The following ESRRG variants were observed in gnomAD, a reference collection of about 807,000 sequenced individuals.
ESRRG encodes estrogen-related receptor gamma.
In ESRRG, 13 loss-of-function variants were observed where a neutral mutation model predicts 44.0. The observed-to-expected ratio is 0.30, with a 90% CI of 0.19 to 0.47. The LOEUF (loss-of-function observed/expected upper bound fraction) is 0.47, where lower values mean the gene tolerates loss of function less well. ESRRG is among the 20% of genes least tolerant of loss of function. ESRRG has a pLI of 1.00. For missense variants in ESRRG, 395 were observed against 580.6 expected (o/e 0.68, Z 3.29); for synonymous variants, 215 against 214.6 (o/e 1.00, Z -0.02).
Position 216,896,097 on chromosome 1 carries a change from T to G in ESRRG, c.-14+43485A>C, listed in dbSNP as rs971241826. On this transcript the variant is annotated intron_variant, in intron 2 of 7. Coordinates refer to the ESRRG transcript ENST00000359162. ...ACATTACATCACGACAAATGACATA[T>G]ACACAAATTCTCTCCCAAATAAAGT... Among the ~76,000 whole-genome samples, 2 of 152,276 alleles carry G rather than the reference T, an allele frequency of 1.3e-5. 1 individual carries two copies.
chr1:216,966,173 A>G (rs2070318662), intron 1 of ESRRG, among the ~76,000 whole-genome samples: 1 of 152,184 alleles, frequency 6.6e-6, no homozygotes, highest in African/African-American at 2.4e-5. Flanking sequence ...GTCCTAGCCC[A>G]GCAAATGTTA....
chr1:216,906,656 C>T (rs989353159), intron 2 of ESRRG, among the ~76,000 whole-genome samples: 12 of 152,182 alleles, frequency 7.9e-5, no homozygotes, highest in Non-Finnish European at 1.8e-4. Flanking sequence ...TAATGTCACA[C>T]ACTAGTGATT....
intron 5 of ESRRG, among the ~76,000 whole-genome samples, chr1:216,559,794 A>G (rs1432366156): frequency 6.6e-6 from 1 of 152,206 alleles, no homozygotes; most frequent in African/African-American, 2.4e-5. Flanking sequence ...TGGATGATAT[A>G]ATCTTAAAAA....
chr1:216,933,602 G>T (rs1009493398), intron 2 of ESRRG, among the ~76,000 whole-genome samples: 1 of 152,148 alleles, frequency 6.6e-6, no homozygotes, highest in African/African-American at 2.4e-5. Flanking sequence ...CAAGAACATG[G>T]ATAAGACCAA....
intron 2 of ESRRG, among the ~76,000 whole-genome samples, chr1:216,735,440 T>A (rs1559457784): frequency 6.6e-6 from 1 of 151,400 alleles, no homozygotes; most frequent in African/African-American, 2.4e-5. Flanking sequence ...GCTTCTGGCC[T>A]CAAGGGATCC....
intron 2 of ESRRG, among the ~76,000 whole-genome samples, chr1:216,870,884 T>G (rs1166012264): frequency 2.0e-5 from 3 of 152,014 alleles, no homozygotes; most frequent in Non-Finnish European, 4.4e-5. Flanking sequence ...CATTTTTTTC[T>G]TTGTCAATCT....
At chr1:216,727,813 TA>T (rs201214265), upstream of ESRRG, among the ~76,000 whole-genome samples, 4 of 151,450 alleles carry the variant, frequency 2.6e-5, no homozygotes, top group Admixed American at 1.3e-4. Flanking sequence ...AGCCTATATA[TA>T]AAAAAAAGCC....
At chr1:217,093,284 A>T (rs771280265), upstream of ESRRG, among the ~76,000 whole-genome samples, 7 of 152,294 alleles carry the variant, frequency 4.6e-5, no homozygotes, top group South Asian at 8.3e-4. Context: ...CCAGTCTCCA[A>T]GGTCCCTCCA....
At chr1:216,673,165 A>C (rs2075506621) in intron 2 of ESRRG, among the ~76,000 whole-genome samples, 1 of 152,018 alleles carries the variant, frequency 6.6e-6, no homozygotes, top group African/African-American at 2.4e-5. Context: ...ATGAGAATGA[A>C]CTCTAAGGCA....
At chr1:217,021,913 C>A (rs1276339604) in intron 1 of ESRRG, among the ~76,000 whole-genome samples, 1 of 152,176 alleles carries the variant, frequency 6.6e-6, no homozygotes, top group African/African-American at 2.4e-5. Context: ...TGACTATGGG[C>A]TCGCTTTCCA....
At chr1:216,677,619 A>G (rs1303262880) in intron 1 of ESRRG, 128 bp from the exon 2 acceptor site, 1 of 798,622 alleles carries the variant, frequency 1.3e-6, no homozygotes, top group Non-Finnish European at 1.9e-6. Flanking sequence ...AAAGGAGGAA[A>G]AAAACAGAAT....
In ESRRG at chr1:216,969,867, T is replaced by G. The variant is rs149414641; in HGVS notation, c.-105-30194A>C. On this transcript the variant is annotated intron_variant, in intron 1 of 7. Coordinates refer to the ESRRG transcript ENST00000359162. ...TCTCAAAGTGCTGGGATTACAGGCA[T>G]GAGCCACGGTGCCCAGCTGAAATTT... Among the ~76,000 whole-genome samples, 218 of 152,326 alleles carry G rather than the reference T, an allele frequency of 1.4e-3. 1 individual carries two copies. Among genetic ancestry groups the G allele is most frequent in the African/African-American group, 4.8e-3 (200 of 41,580 alleles).
intron 3 of ESRRG, among the ~76,000 whole-genome samples, chr1:216,627,608 C>G (rs1261869596): frequency 6.6e-6 from 1 of 152,144 alleles, no homozygotes; most frequent in Non-Finnish European, 1.5e-5. Context: ...AATACCTGGA[C>G]AGAAACCAGA....
intron 2 of ESRRG, among the ~76,000 whole-genome samples, chr1:216,807,723 A>G (rs887215926): frequency 6.6e-6 from 1 of 151,914 alleles, no homozygotes. Flanking sequence ...AATAAAAAAA[A>G]AAAATCATGA....
intron 2 of ESRRG, among the ~76,000 whole-genome samples, chr1:216,831,362 C>G (rs1206194862): frequency 6.6e-6 from 1 of 152,076 alleles, no homozygotes. Context: ...TTAAAAATAG[C>G]TTCACACAAA....
At chr1:216,904,107 C>A (rs568534847) in intron 2 of ESRRG, among the ~76,000 whole-genome samples, 1 of 152,248 alleles carries the variant, frequency 6.6e-6, no homozygotes, top group African/African-American at 2.4e-5. Flanking sequence ...TTCAAAAATG[C>A]CCCTAGCACA....
At chr1:216,640,708 C>T (rs1300283932) in intron 3 of ESRRG, among the ~76,000 whole-genome samples, 1 of 152,118 alleles carries the variant, frequency 6.6e-6, no homozygotes, top group Non-Finnish European at 1.5e-5. Context: ...TGAAATACAA[C>T]CATGAAGCAC....
Position 216,568,808 on chromosome 1 carries a change from A to C in ESRRG, c.590-710T>G, listed in dbSNP as rs533975985. Among the ~76,000 whole-genome samples the C allele has an allele frequency of 3.9e-5, 6 of 152,220 alleles. No homozygotes were observed. The East Asian group carries it at 1.2e-3, about 30-fold the overall frequency. On this transcript the variant is annotated intron_variant, in intron 3 of 6. Transcript: ENST00000408911. Reference sequence around the variant, plus strand: ...TGGCTCACGCCTGTATAATACCAGCACTTTGGGAGGCCAAGGCGGGCAGAT... The same window carrying C: ...TGGCTCACGCCTGTATAATACCAGCCCTTTGGGAGGCCAAGGCGGGCAGAT...
At chr1:216,631,110 T>C (rs915708393) in intron 3 of ESRRG, among the ~76,000 whole-genome samples, 1 of 152,174 alleles carries the variant, frequency 6.6e-6, no homozygotes, top group Non-Finnish European at 1.5e-5. Flanking sequence ...TCCTGATACT[T>C]TTCTATCACA....
Sources: allele counts gnomAD v4.1 joint callset (sites outside exome capture counted in the v4.1 genomes callset), GRCh38; gene constraint gnomAD v4.1.1; transcripts MANE v1.5; gene names NCBI Gene and HGNC (gene_info 2026-07-23, HGNC 2026-07-21).